PPP2CA: variants seen among roughly 807,000 people sequenced by gnomAD.
PPP2CA encodes serine/threonine-protein phosphatase 2A catalytic subunit alpha isoform.
PPP2CA carries 5 observed loss-of-function variants against 38.8 expected under a neutral mutation model. That is an observed-to-expected ratio of 0.13 (90% CI 0.07 to 0.27). The LOEUF is 0.27. Ranked by LOEUF, PPP2CA falls within the 10% of genes least tolerant of loss-of-function variation. The probability of loss-of-function intolerance (pLI) is 1.00; values close to 1 mark genes in which losing one functional copy is unlikely to be tolerated. For missense variants in PPP2CA, 88 were observed against 389.7 expected, an observed-to-expected ratio of 0.23 and a Z score of 6.52; for synonymous variants, 152 against 134.0, an observed-to-expected ratio of 1.13 and a Z score of -0.93.
intron 1 of PPP2CA, among the ~76,000 whole-genome samples, chr5:134,207,324 A>C (rs1443492603): frequency 6.6e-6 from 1 of 152,098 alleles, no homozygotes; most frequent in African/African-American, 2.4e-5. Context: ...AGAATTGCTT[A>C]AACTTGGGAG....
At chr5:134,213,103 G>C (rs1461103820) in intron 1 of PPP2CA, among the ~76,000 whole-genome samples, 2 of 152,210 alleles carry the variant, frequency 1.3e-5, no homozygotes, top group East Asian at 1.9e-4. Flanking sequence ...TTTCAATGTA[G>C]ACGAAATAGC....
rs1337739122 is a variant in PPP2CA at position 134,205,988 on chromosome 5, A to G, written c.246T>C (p.Phe82=). Residue 82 remains phenylalanine, a synonymous_variant, in exon 2 of 7, where the codon TTT becomes TTC. Transcript: ENST00000481195. ...GGKSPDTNYL[F]MGDYVDRGYY... ...ATCCTCTGTCAACATAATCTCCCAT[A>G]AACAAGTAATTTGTATCTGGTGATT... 3.1e-6 allele frequency: 5 copies of G among 1,614,074 alleles called. No individual in the cohort carries two copies. The highest frequency in any genetic ancestry group is 2.7e-5 in the African/African-American group (2 of 74,946).
intron 1 of PPP2CA, 116 bp downstream of exon 1, chr5:134,225,644 G>A (rs1471430267): frequency 1.2e-6 from 1 of 863,954 alleles, no homozygotes; most frequent in South Asian, 1.9e-5. Flanking sequence ...CGCCGGTCTC[G>A]GAGACTCGGG....
intron 1 of PPP2CA, chr5:134,225,540 G>A: frequency 6.2e-6 from 3 of 487,652 alleles, no homozygotes; most frequent in Non-Finnish European, 1.1e-5. Flanking sequence ...GGAGTCGAGT[G>A]AACGGCGCCA....
intron 1 of PPP2CA, among the ~76,000 whole-genome samples, chr5:134,213,410 T>C (rs1580646348): frequency 1.0e-5 from 1 of 98,006 alleles, no homozygotes; most frequent in Admixed American, 9.5e-5. Context: ...TGAGACCTAC[T>C]GCTCAGAAAA....
At chr5:134,204,743 G>A (rs1473342015) in intron 2 of PPP2CA, among the ~76,000 whole-genome samples, 2 of 151,980 alleles carry the variant, frequency 1.3e-5, no homozygotes, top group South Asian at 2.1e-4. Flanking sequence ...GATAACAGGC[G>A]TGAACCACTG....
intron 1 of PPP2CA, among the ~76,000 whole-genome samples, chr5:134,208,556 T>C (rs539124098): frequency 1.3e-5 from 2 of 152,158 alleles, no homozygotes; most frequent in Non-Finnish European, 2.9e-5. Flanking sequence ...CTCCTCAATT[T>C]GTAACACAGC....
At position 134,204,961 on chromosome 5, in the gene PPP2CA, G is replaced by T. The variant is rs868141119; in HGVS notation, c.312+961C>A. 4.7e-5 allele frequency among the ~76,000 whole-genome samples: 7 copies of T among 147,770 alleles called. No homozygotes were observed. The Middle Eastern group carries it at 0.01, about 218-fold the overall frequency. On this transcript the variant is annotated intron_variant, in intron 2 of 6. Coordinates refer to ENST00000481195, the MANE Select transcript of PPP2CA (RefSeq NM_002715.4). Reference sequence around the variant, plus strand: ...TATTTTTTTTTTTTTTTGAGACAGGGTCTCATTGTTCCCCAAGTTAGAGTG... The same window carrying T: ...TATTTTTTTTTTTTTTTGAGACAGGTTCTCATTGTTCCCCAAGTTAGAGTG...
At position 134,194,946 on chromosome 5, in the gene PPP2CA, A is replaced by G. The variant is rs1327952040; in HGVS notation, c.*2826T>C. On this transcript the variant is annotated 3_prime_UTR_variant, in exon 7 of 7. Coordinates refer to ENST00000481195, the MANE Select transcript of PPP2CA (RefSeq NM_002715.4). ...GATGTAAATTAGAATCACTTGGGAA[A>G]CTTAAAAAATGTATGCCTGGGCCCT... 6.6e-6 allele frequency: 1 copy of G among 152,146 alleles called. No individual in the cohort carries two copies. The highest frequency in any genetic ancestry group is 1.5e-5 in the Non-Finnish European group (1 of 68,022). 9.4% of individuals were successfully genotyped at this position (152,146 alleles called of 1,614,324 possible).
At chr5:134,224,414 G>T (rs1762516624) in intron 1 of PPP2CA, 20 of 396,148 alleles carry the variant, frequency 5.0e-5, no homozygotes, top group South Asian at 3.7e-4. Flanking sequence ...AATTCCAATT[G>T]TTCACAACAT....
intron 5 of PPP2CA, chr5:134,199,439 TAA>T (rs11372222): frequency 5.2e-5 from 13 of 250,884 alleles, no homozygotes; most frequent in African/African-American, 1.4e-4. Flanking sequence ...TTTAGTACTT[TAA>T]AAAAAAAAAG....
intron 1 of PPP2CA, among the ~76,000 whole-genome samples, chr5:134,214,754 C>G (rs1209319933): frequency 7.7e-5 from 5 of 65,238 alleles, no homozygotes; most frequent in African/African-American, 2.9e-4. Flanking sequence ...TTTTAAGTAA[C>G]TTTTTGGCAT....
chr5:134,220,435 G>T (rs1295197253), intron 1 of PPP2CA, among the ~76,000 whole-genome samples: 2 of 125,792 alleles, frequency 1.6e-5, no homozygotes, highest in Non-Finnish European at 3.2e-5. Context: ...CTCCAGCCTG[G>T]GCGACTGTGA....
chr5:134,201,831 G>A lies in PPP2CA; in HGVS notation c.486+17C>T, dbSNP rs2149383379. On this transcript the variant is annotated intron_variant, in intron 3 of 6. Transcript: ENST00000481195. ...GATTCTCTGAAATAATCAGCAATGA[G>A]TTTTAGATCCACATACCTGCCCATC... The A allele has an allele frequency of 1.2e-6, 2 of 1,610,502 alleles. No individual in the cohort carries two copies. Among genetic ancestry groups the A allele is most frequent in the Admixed American group, 1.7e-5 (1 of 59,194 alleles).
At chr5:134,205,863 A>C in intron 2 of PPP2CA, 59 bp downstream of exon 2, 1 of 1,451,744 alleles carries the variant, frequency 6.9e-7, no homozygotes. Context: ...GGGGAAAAAA[A>C]ACTTTCAAGA....
intron 1 of PPP2CA, among the ~76,000 whole-genome samples, chr5:134,223,833 C>A (rs1762499392): frequency 6.6e-6 from 1 of 152,186 alleles, no homozygotes; most frequent in Non-Finnish European, 1.5e-5. Flanking sequence ...CATTGCTTTT[C>A]ATTTCCCTCA....
intron 6 of PPP2CA, among the ~76,000 whole-genome samples, chr5:134,198,474 T>C (rs1761903323): frequency 6.6e-6 from 1 of 152,030 alleles, no homozygotes; most frequent in Non-Finnish European, 1.5e-5. Context: ...GATCTATATA[T>C]AATAAGTTCC....
intron 1 of PPP2CA, among the ~76,000 whole-genome samples, chr5:134,219,271 T>A (rs991197458): frequency 5.3e-5 from 8 of 152,248 alleles, no homozygotes; most frequent in Non-Finnish European, 1.0e-4. Flanking sequence ...TAGTGCTTTT[T>A]AGACAAAGCT....
At chr5:134,207,113 C>T (rs534586563) in intron 1 of PPP2CA, among the ~76,000 whole-genome samples, 4 of 152,228 alleles carry the variant, frequency 2.6e-5, no homozygotes, top group African/African-American at 9.6e-5. Context: ...ATTAAAAATC[C>T]CAATGCCCAG....
Sources: gnomAD v4.1 joint callset for allele counts (sites outside exome capture counted in the v4.1 genomes callset) on GRCh38, gnomAD v4.1.1 for gene constraint, MANE v1.5 for transcripts, NCBI Gene and HGNC (gene_info 2026-07-23, HGNC 2026-07-21) for gene names.